NCAM1: variants seen among roughly 807,000 people sequenced by gnomAD.
The protein encoded by NCAM1 is neural cell adhesion molecule 1, also known as antigen recognized by monoclonal antibody 5.1H11.
Under a neutral mutation model 109.8 loss-of-function variants are expected in NCAM1, and 14 were observed. The ratio of observed to expected loss-of-function variants is 0.13; its 90% CI spans 0.08 to 0.20. The LOEUF (loss-of-function observed/expected upper bound fraction) is 0.20, where lower values mean the gene tolerates loss of function less well. NCAM1 is among the 10% of genes least tolerant of loss of function. The pLI, the probability that NCAM1 is intolerant of heterozygous loss-of-function variation, is 1.00. For synonymous variants in NCAM1, 418 were observed against 442.9 expected (o/e 0.94, Z 0.70); for missense variants, 774 against 1,109.9 (o/e 0.70, Z 4.30).
chr11:113,115,659 CAAT>C (rs1354685702), intron 1 of NCAM1, among the ~76,000 whole-genome samples: 1 of 152,228 alleles, frequency 6.6e-6, no homozygotes, highest in Non-Finnish European at 1.5e-5. Flanking sequence ...GAAGCCACAA[CAAT>C]GAGATACCTG....
chr11:113,199,856 T>C (rs1255437099), intron 1 of NCAM1, among the ~76,000 whole-genome samples: 1 of 107,308 alleles, frequency 9.3e-6, no homozygotes, highest in African/African-American at 3.8e-5. Context: ...AAAACTTCTG[T>C]GATGATAAAT....
At chr11:113,176,624 G>T (rs1386915681) in intron 1 of NCAM1, among the ~76,000 whole-genome samples, 1 of 152,158 alleles carries the variant, frequency 6.6e-6, no homozygotes, top group Non-Finnish European at 1.5e-5. Context: ...ACACTCCATG[G>T]TTTTCAAAGG....
chr11:112,998,813 A>G (rs141817663), intron 1 of NCAM1, among the ~76,000 whole-genome samples: 1 of 152,334 alleles, frequency 6.6e-6, no homozygotes, highest in East Asian at 1.9e-4. Context: ...TTTCTCATCC[A>G]GAACATTACT....
chr11:113,181,845 G>T (rs4937998), intron 1 of NCAM1, among the ~76,000 whole-genome samples: 127,276 of 152,074 alleles, frequency 0.84, 53,664 homozygotes, highest in African/African-American at 0.94. Context: ...GGAACCCCAC[G>T]CTATTTTTGA....
intron 1 of NCAM1, among the ~76,000 whole-genome samples, chr11:113,004,907 T>C (rs1257914432): frequency 1.3e-5 from 2 of 152,018 alleles, no homozygotes; most frequent in African/African-American, 4.8e-5. Flanking sequence ...TGGATTGAGC[T>C]TCTGATTTTC....
intron 1 of NCAM1, among the ~76,000 whole-genome samples, chr11:113,028,879 C>G (rs1452682228): frequency 2.0e-5 from 3 of 152,058 alleles, no homozygotes; most frequent in Non-Finnish European, 4.4e-5. Context: ...TAGCCAAAGT[C>G]TAAAAATATC....
At chr11:113,115,740 G>A (rs1469173295) in intron 1 of NCAM1, among the ~76,000 whole-genome samples, 1 of 152,176 alleles carries the variant, frequency 6.6e-6, no homozygotes, top group African/African-American at 2.4e-5. Flanking sequence ...TTATTTACAT[G>A]CACTAGTCGA....
At chr11:113,128,909 GTGTGTGTGT>G (rs781910179) in intron 1 of NCAM1, among the ~76,000 whole-genome samples, 8,275 of 110,622 alleles carry the variant, frequency 0.075, 310 homozygotes, top group Middle Eastern at 0.11. Flanking sequence ...TTGTGAGGGT[GTGTGTGTGT>G]GTGTGTGTGT....
intron 1 of NCAM1, among the ~76,000 whole-genome samples, chr11:112,978,243 A>AT (rs1951058809): frequency 7.2e-6 from 1 of 137,978 alleles, no homozygotes; most frequent in Non-Finnish European, 1.6e-5. Context: ...AAAAAATCTA[A>AT]ATTGGTGTTT....
chr11:113,119,050 T>C (rs1940834481), intron 1 of NCAM1, among the ~76,000 whole-genome samples: 1 of 151,172 alleles, frequency 6.6e-6, no homozygotes, highest in African/African-American at 2.4e-5. Context: ...AGAAGGCAAA[T>C]GGGAGGAAGG....
intron 1 of NCAM1, among the ~76,000 whole-genome samples, chr11:113,060,078 G>C (rs1426447330): frequency 2.0e-5 from 3 of 152,212 alleles, no homozygotes; most frequent in Admixed American, 6.5e-5. Context: ...TGAAATAAAA[G>C]AGTTGAATGT....
At chr11:113,164,222 A>G (rs1203803742) in intron 1 of NCAM1, among the ~76,000 whole-genome samples, 1 of 152,204 alleles carries the variant, frequency 6.6e-6, no homozygotes, top group Non-Finnish European at 1.5e-5. Flanking sequence ...AGAGGACTCC[A>G]TGGTAAGAAA....
At chr11:113,165,497 C>T (rs1942759512) in intron 1 of NCAM1, among the ~76,000 whole-genome samples, 1 of 152,084 alleles carries the variant, frequency 6.6e-6, no homozygotes, top group Non-Finnish European at 1.5e-5. Flanking sequence ...AAGTCAGGGC[C>T]TGTAGTTCAT....
intron 7 of NCAM1, among the ~76,000 whole-genome samples, chr11:113,210,118 T>C (rs1944345410): frequency 6.6e-6 from 1 of 152,180 alleles, no homozygotes; most frequent in Non-Finnish European, 1.5e-5. Context: ...AACATACATA[T>C]GTGGCAGGGA....
chr11:113,092,493 A>C (rs1939394350), intron 1 of NCAM1, among the ~76,000 whole-genome samples: 1 of 152,068 alleles, frequency 6.6e-6, no homozygotes, highest in East Asian at 1.9e-4. Context: ...AGTCACAGGG[A>C]GGTTAAATTA....
chr11:112,989,781 A>G (rs1951409066), intron 1 of NCAM1, among the ~76,000 whole-genome samples: 1 of 152,122 alleles, frequency 6.6e-6, no homozygotes, highest in African/African-American at 2.4e-5. Flanking sequence ...ATTGTATGTT[A>G]TATATTAGAC....
chr11:113,181,506 T>G (rs891450114), intron 1 of NCAM1, among the ~76,000 whole-genome samples: 1 of 152,082 alleles, frequency 6.6e-6, no homozygotes, highest in African/African-American at 2.4e-5. Flanking sequence ...CAACACACAC[T>G]GGGGCCTGTC....
Position 113,270,312 on chromosome 11 carries a change from C to T in NCAM1, c.2256C>T (p.Phe752=). Residue 752 remains phenylalanine (F), a synonymous_variant, in exon 18 of 20, where the codon TTC becomes TTT. Transcript: ENST00000316851. The part of the protein sequence containing the change: ...TCYFLNKCGL[F]MCIAVNLCGK... Reference sequence around the variant, plus strand: ...ACTTCCTGAACAAGTGTGGCCTGTTCATGTGCATTGCGGTCAACCTGTGTG... The same window carrying T: ...ACTTCCTGAACAAGTGTGGCCTGTTTATGTGCATTGCGGTCAACCTGTGTG... 6.2e-7 allele frequency: 1 copy of T among 1,614,034 alleles called. No individual in the cohort carries two copies. The highest frequency in any genetic ancestry group is 8.5e-7 in the Non-Finnish European group (1 of 1,179,892).
intron 15 of NCAM1, among the ~76,000 whole-genome samples, chr11:113,253,998 C>A (rs1441337453): frequency 6.6e-6 from 1 of 152,160 alleles, no homozygotes; most frequent in African/African-American, 2.4e-5. Context: ...TTGTAAAGTT[C>A]TCCTGTGTCT....
Sources: gnomAD v4.1 joint callset for allele counts (sites outside exome capture counted in the v4.1 genomes callset) on GRCh38, gnomAD v4.1.1 for gene constraint, MANE v1.5 for transcripts, NCBI Gene and HGNC (gene_info 2026-07-23, HGNC 2026-07-21) for gene names.